LMF1: variants seen among roughly 807,000 people sequenced by gnomAD.
LMF1 encodes transmembrane protein 112.
In LMF1, 68 loss-of-function variants were observed where a neutral mutation model predicts 60.6. That is an observed-to-expected ratio of 1.12 (90% CI 0.92 to 1.37). The LOEUF is 1.37. Among genes scored for constraint, LMF1 ranks in the 40% most tolerant of loss-of-function variants. The probability of loss-of-function intolerance (pLI) is 0.00; values close to 1 mark genes in which losing one functional copy is unlikely to be tolerated. For missense variants in LMF1, 948 were observed against 767.2 expected (o/e 1.24, Z -2.78); for synonymous variants, 418 against 324.7 (o/e 1.29, Z -3.09).
At chr16:979,985 C>T (rs1221913854) in intron 1 of LMF1, 1 of 344,920 alleles carries the variant, frequency 2.9e-6, no homozygotes, top group Non-Finnish European at 5.8e-6. Context: ...AGGTGTGGGT[C>T]TTCCCAGGCA....
At chr16:925,714 C>T (rs2071573794) in intron 3 of LMF1, among the ~76,000 whole-genome samples, 1 of 152,128 alleles carries the variant, frequency 6.6e-6, no homozygotes, top group Non-Finnish European at 1.5e-5. Flanking sequence ...CCAGCTTGGA[C>T]AAATGAGCAA....
intron 1 of LMF1, among the ~76,000 whole-genome samples, chr16:956,120 C>CA (rs544589077): frequency 5.1e-4 from 44 of 86,282 alleles, no homozygotes; most frequent in Non-Finnish European, 8.4e-4. Context: ...GCCCACCCCA[C>CA]AATGGCACTG....
chr16:862,484 A>G (rs1453055141), intron 10 of LMF1, among the ~76,000 whole-genome samples: 1 of 152,094 alleles, frequency 6.6e-6, no homozygotes, highest in African/African-American at 2.4e-5. Flanking sequence ...TGTCTATATC[A>G]CTGAGGGATA....
chr16:894,327 C>T (rs4984712), intron 4 of LMF1, among the ~76,000 whole-genome samples: 506 of 96,516 alleles, frequency 5.2e-3, no homozygotes, highest in East Asian at 8.8e-3. Context: ...TCCACCCACC[C>T]GTCCCCCTGT....
At chr16:877,997 A>G (rs1415135013) in intron 6 of LMF1, among the ~76,000 whole-genome samples, 1 of 152,126 alleles carries the variant, frequency 6.6e-6, no homozygotes, top group Non-Finnish European at 1.5e-5. Flanking sequence ...GGCTACACAG[A>G]ATCCACTGAA....
intron 5 of LMF1, among the ~76,000 whole-genome samples, chr16:889,547 G>T (rs1188497598): frequency 6.6e-6 from 1 of 152,156 alleles, no homozygotes; most frequent in East Asian, 1.9e-4. Context: ...ACTTCCGGAG[G>T]TTTTCAGGCT....
intron 3 of LMF1, among the ~76,000 whole-genome samples, chr16:911,905 G>C (rs1011026017): frequency 6.6e-6 from 1 of 152,152 alleles, no homozygotes; most frequent in Non-Finnish European, 1.5e-5. Flanking sequence ...GGGGACACGT[G>C]GGGGCCCAAC....
chr16:920,725 A>AT (rs1197736040), intron 3 of LMF1, among the ~76,000 whole-genome samples: 1 of 152,236 alleles, frequency 6.6e-6, no homozygotes, highest in Non-Finnish European at 1.5e-5. Flanking sequence ...AAAAGTAGGC[A>AT]TATCATAGTC....
Position 937,011 on chromosome 16 carries a change from G to A in LMF1, c.504-2757C>T, listed in dbSNP as rs576177079. On this transcript the variant is annotated intron_variant, in intron 2 of 10. Coordinates refer to ENST00000262301, the MANE Select transcript of LMF1 (RefSeq NM_022773.4). ...CACGCTTTTATCAGAAGGGACCAAG[G>A]CCTGGAAGAGTTTCAGTGACTCAGG... is the stretch of plus-strand genomic sequence containing the variant. Among the ~76,000 whole-genome samples, 18 of 152,266 alleles carry A rather than the reference G, an allele frequency of 1.2e-4. No individual in the cohort carries two copies. The South Asian group carries it at 3.7e-3, about 32-fold the overall frequency.
intron 8 of LMF1, among the ~76,000 whole-genome samples, chr16:870,393 G>A (rs943991054): frequency 4.6e-5 from 7 of 152,228 alleles, no homozygotes; most frequent in South Asian, 2.1e-4. Flanking sequence ...CAGGGAGGGT[G>A]CCTGTGTTCA....
At chr16:879,333 C>T (rs1011125635) in intron 6 of LMF1, among the ~76,000 whole-genome samples, 9 of 152,200 alleles carry the variant, frequency 5.9e-5, no homozygotes, top group African/African-American at 1.2e-4. Flanking sequence ...CTGCAGGAAA[C>T]GCTCTTGGGA....
chr16:870,786 A>G lies in LMF1; in HGVS notation c.1175T>C (p.Val392Ala), dbSNP rs776127319. 6.2e-7 allele frequency: 1 copy of G among 1,612,932 alleles called. No homozygotes were observed. The highest frequency in any genetic ancestry group is 2.2e-5 in the East Asian group (1 of 44,870). Residue 392 changes from valine to alanine, a missense_variant, in exon 8 of 11, where the codon GTC becomes GCC. By Grantham distance (64) the Val-to-Ala change is moderately conservative. Coordinates refer to ENST00000262301, the MANE Select transcript of LMF1 (RefSeq NM_022773.4). ...AAGAGAGTTGAAGTGGGTGTTCATG[A>G]CCTGCCTGGAGCTCAGCAAGTTGAG... ...VVLNLLSSRQ[V>A]MNTHFNSLHI...
At position 970,003 on chromosome 16, in the gene LMF1, G is replaced by A. The variant is rs61596093; in HGVS notation, c.193+785C>T. Reference sequence around the variant, plus strand: ...CTCTGCTCTGTAGGCTGCGCACGCGGGCCCCGCACAGCTGTGGGGTGAAGG... The same window carrying A: ...CTCTGCTCTGTAGGCTGCGCACGCGAGCCCCGCACAGCTGTGGGGTGAAGG... On this transcript the variant is annotated intron_variant, in intron 1 of 10. Transcript: ENST00000262301. Among the ~76,000 whole-genome samples the A allele has an allele frequency of 6.3e-3, 964 of 152,288 alleles. 15 individuals are homozygous for A. Among genetic ancestry groups the A allele is most frequent in the African/African-American group, 0.022 (899 of 41,556 alleles).
intron 1 of LMF1, chr16:976,701 G>C (rs150743145): frequency 2.2e-6 from 1 of 454,000 alleles, no homozygotes; most frequent in Non-Finnish European, 4.4e-6. Flanking sequence ...TTGGGGACCC[G>C]CTCCCAGCCT....
intron 2 of LMF1, among the ~76,000 whole-genome samples, chr16:939,693 G>A (rs2072043236): frequency 6.6e-6 from 1 of 152,268 alleles, no homozygotes; most frequent in Non-Finnish European, 1.5e-5. Flanking sequence ...GACAACGTCG[G>A]CGAGATGGGA....
At chr16:858,822 GAGTGGTGT>G in intron 10 of LMF1, among the ~76,000 whole-genome samples, 1 of 80,370 alleles carries the variant, frequency 1.2e-5, no homozygotes, top group Non-Finnish European at 2.3e-5. Context: ...GGACGGGTGT[GAGTGGTGT>G]CACGGGACGG....
At position 922,186 on chromosome 16, in the gene LMF1, T is replaced by C. The variant is rs940732833; in HGVS notation, c.515-11107A>G. Among the ~76,000 whole-genome samples the C allele has an allele frequency of 3.3e-5, 5 of 152,168 alleles. No individual in the cohort carries two copies. The East Asian group carries it at 9.6e-4, about 29-fold the overall frequency. On this transcript the variant is annotated intron_variant, in intron 3 of 10. Coordinates refer to ENST00000262301, the MANE Select transcript of LMF1 (RefSeq NM_022773.4). ...GCACCCTGTCTCGCAGGCCCAGCCA[T>C]GCTCCTTGGCAGCAACCACCCAGGG...
chr16:949,630 T>C (rs1346822295), intron 2 of LMF1, among the ~76,000 whole-genome samples: 1 of 75,420 alleles, frequency 1.3e-5, no homozygotes, highest in Admixed American at 1.6e-4. Flanking sequence ...TCAGAGCCAA[T>C]GACAGAGTCA....
intron 1 of LMF1, chr16:980,203 C>T (rs988188194): frequency 5.3e-6 from 1 of 188,786 alleles, no homozygotes; most frequent in Non-Finnish European, 1.1e-5. Context: ...AATGCTTCCT[C>T]CAAAGGCCCT....
Sources: allele counts gnomAD v4.1 joint callset (sites outside exome capture counted in the v4.1 genomes callset), GRCh38; gene constraint gnomAD v4.1.1; transcripts MANE v1.5; gene names NCBI Gene and HGNC (gene_info 2026-07-23, HGNC 2026-07-21).